The following TWSG1 variants were observed in gnomAD, a reference collection of about 807,000 sequenced individuals.
TWSG1 encodes the protein twisted gastrulation protein homolog 1.
Under a neutral mutation model 23.0 loss-of-function variants are expected in TWSG1, and 15 were observed. The ratio of observed to expected loss-of-function variants is 0.65; its 90% CI spans 0.44 to 1.00. The LOEUF (loss-of-function observed/expected upper bound fraction) is 1.00, where lower values mean the gene tolerates loss of function less well. Among genes scored for constraint, TWSG1 ranks in the 50% least tolerant of loss-of-function variants. TWSG1 has a pLI of 0.00. For missense variants in TWSG1, 242 were observed against 278.7 expected (o/e 0.87, Z 0.94); for synonymous variants, 86 against 92.8 (o/e 0.93, Z 0.42).
intron 3 of TWSG1, among the ~76,000 whole-genome samples, chr18:9,369,658 G>A (rs149031558): frequency 8.6e-5 from 13 of 152,036 alleles, no homozygotes; most frequent in East Asian, 1.9e-4. Context: ...GTCTTCTTCC[G>A]TTGCTCAGGC....
rs542625695 is a variant in TWSG1 at position 9,355,003 on chromosome 18, T to C, written c.124-4969T>C. The stretch of plus-strand genomic sequence containing the variant: ...CAGAGTCTCGCTCTGTTGTCCAGGC[T>C]GGAGTGCAGTGGCCCCATCTCGGCT... On this transcript the variant is annotated intron_variant, in intron 2 of 4. Coordinates refer to ENST00000262120, the MANE Select transcript of TWSG1 (RefSeq NM_020648.6). Among the ~76,000 whole-genome samples the C allele has an allele frequency of 7.9e-5, 12 of 152,256 alleles. No homozygotes were observed. In the South Asian group the frequency reaches 2.3e-3, roughly 29 times the overall value.
intron 2 of TWSG1, among the ~76,000 whole-genome samples, chr18:9,344,531 A>ATATATTTT (rs756535502): frequency 2.0e-5 from 2 of 102,100 alleles, no homozygotes; most frequent in Admixed American, 1.2e-4. Flanking sequence ...GTATGTATGT[A>ATATATTTT]TTTTTTTTTT....
chr18:9,340,492 A>G (rs1341404735), intron 2 of TWSG1, among the ~76,000 whole-genome samples: 1 of 151,830 alleles, frequency 6.6e-6, no homozygotes, highest in Non-Finnish European at 1.5e-5. Context: ...CTCTTCACCT[A>G]GTTTTGTGGA....
chr18:9,343,258 A>C (rs866164232), intron 2 of TWSG1, among the ~76,000 whole-genome samples: 108 of 134,918 alleles, frequency 8.0e-4, no homozygotes, highest in African/African-American at 1.8e-3. Flanking sequence ...ATATATATAT[A>C]TATCTTGTCC....
intron 3 of TWSG1, among the ~76,000 whole-genome samples, chr18:9,392,009 C>T (rs1369197930): frequency 6.6e-6 from 1 of 152,158 alleles, no homozygotes; most frequent in East Asian, 1.9e-4. Flanking sequence ...CTTTGTTGTT[C>T]CATTTCTAGG....
intron 3 of TWSG1, among the ~76,000 whole-genome samples, chr18:9,371,057 G>A (rs2040602835): frequency 6.6e-6 from 1 of 150,566 alleles, no homozygotes; most frequent in South Asian, 2.1e-4. Flanking sequence ...AAACCCTTTT[G>A]TGTGATACCT....
intron 1 of TWSG1, among the ~76,000 whole-genome samples, chr18:9,336,316 C>T (rs753354007): frequency 5.9e-5 from 9 of 151,498 alleles, no homozygotes; most frequent in African/African-American, 1.2e-4. Flanking sequence ...CGCATGAACC[C>T]GGGAGGCGGA....
At chr18:9,379,013 CAAAA>C (rs1319296997) in intron 3 of TWSG1, among the ~76,000 whole-genome samples, 1 of 152,014 alleles carries the variant, frequency 6.6e-6, no homozygotes, top group Non-Finnish European at 1.5e-5. Context: ...ATTAAAAAGT[CAAAA>C]AATAACAGAT....
intron 2 of TWSG1, among the ~76,000 whole-genome samples, chr18:9,356,580 C>G (rs756839752): frequency 6.6e-6 from 1 of 152,098 alleles, no homozygotes; most frequent in Non-Finnish European, 1.5e-5. Context: ...AGACTATATT[C>G]TTTGAATAGA....
At chr18:9,368,641 C>T (rs1208120423) in intron 3 of TWSG1, among the ~76,000 whole-genome samples, 1 of 151,772 alleles carries the variant, frequency 6.6e-6, no homozygotes, top group African/African-American at 2.4e-5. Flanking sequence ...AGTAAAACAC[C>T]ATCTCTATTA....
intron 2 of TWSG1, among the ~76,000 whole-genome samples, chr18:9,356,323 C>A (rs983593613): frequency 6.6e-6 from 1 of 152,142 alleles, no homozygotes; most frequent in East Asian, 1.9e-4. Context: ...CAAGTTCAAG[C>A]GACTTTTAAA....
chr18:9,365,478 G>A (rs1034181216), intron 3 of TWSG1, among the ~76,000 whole-genome samples: 1 of 151,972 alleles, frequency 6.6e-6, no homozygotes, highest in African/African-American at 2.4e-5. Flanking sequence ...ACCAACCTGG[G>A]CAACATGGCA....
intron 3 of TWSG1, among the ~76,000 whole-genome samples, chr18:9,370,848 A>G (rs1598828967): frequency 6.6e-6 from 1 of 152,310 alleles, no homozygotes; most frequent in African/African-American, 2.4e-5. Context: ...ATAAAATATG[A>G]GCCATAGCAT....
chr18:9,363,033 G>A (rs1568034555), intron 3 of TWSG1, among the ~76,000 whole-genome samples: 4 of 152,122 alleles, frequency 2.6e-5, no homozygotes, highest in African/African-American at 9.7e-5. Context: ...ACCTGCCGCT[G>A]CTCCTCCTTC....
intron 3 of TWSG1, among the ~76,000 whole-genome samples, chr18:9,391,057 A>C (rs1446947289): frequency 6.6e-6 from 1 of 152,208 alleles, no homozygotes; most frequent in Admixed American, 6.5e-5. Flanking sequence ...GAAACCCTGC[A>C]CTGCTTTAAC....
intron 2 of TWSG1, among the ~76,000 whole-genome samples, chr18:9,352,626 C>G (rs1318852564): frequency 6.6e-6 from 1 of 152,108 alleles, no homozygotes. Flanking sequence ...CATTTGCTAT[C>G]TTTACTAGAA....
rs2040678583 is a variant in TWSG1 at position 9,385,619 on chromosome 18, G to T, written c.224-10661G>T. Among the ~76,000 whole-genome samples, 6 of 96,330 alleles carry T rather than the reference G, an allele frequency of 6.2e-5. No homozygotes were observed. In the South Asian group the frequency reaches 2.0e-3, roughly 32 times the overall value. 63.2% of individuals were successfully genotyped at this position (96,330 alleles called of 152,430 possible). On this transcript the variant is annotated intron_variant, in intron 3 of 4. Transcript: ENST00000262120. ...CAGGAGAATGGCGTGAACCCGGGAAGCGGAGCTTGCAGTGAGCCGAGATTG... is the reference window on the plus strand; with the variant it reads ...CAGGAGAATGGCGTGAACCCGGGAATCGGAGCTTGCAGTGAGCCGAGATTG...
intron 2 of TWSG1, among the ~76,000 whole-genome samples, chr18:9,356,114 A>G (rs967688273): frequency 1.3e-5 from 2 of 152,204 alleles, no homozygotes; most frequent in Non-Finnish European, 2.9e-5. Context: ...ATTGTACAGT[A>G]ATGAAAGCTT....
rs572768830 is a variant in TWSG1 at position 9,401,032 on chromosome 18, A to C, written c.*1505A>C. The C allele has an allele frequency of 6.6e-6, 1 of 152,228 alleles. No homozygotes were observed. The highest frequency in any genetic ancestry group is 2.1e-4 in the South Asian group (1 of 4,830). The allele number at this position is 152,228 out of a possible 1,614,324, so 9.4% of individuals were successfully genotyped here. On this transcript the variant is annotated 3_prime_UTR_variant, in exon 5 of 5. Coordinates refer to ENST00000262120, the MANE Select transcript of TWSG1 (RefSeq NM_020648.6). ...TCATGATCTGAATAGTAGTTAGTTA[A>C]AAGATCATTTGTAATATTATGATCA...
Sources: gnomAD v4.1 joint callset for allele counts (sites outside exome capture counted in the v4.1 genomes callset) on GRCh38, gnomAD v4.1.1 for gene constraint, MANE v1.5 for transcripts, NCBI Gene and HGNC (gene_info 2026-07-23, HGNC 2026-07-21) for gene names.